Variants in MYO3A observed in about 807,000 individuals in gnomAD.
The protein encoded by MYO3A is myosin IIIA, also known as myosin-IIIa.
Under a neutral mutation model 192.7 loss-of-function variants are expected in MYO3A, and 180 were observed. The observed-to-expected ratio is 0.93, with a 90% CI of 0.83 to 1.06. MYO3A has a LOEUF of 1.06. Among genes scored for constraint, MYO3A ranks in the 50% least tolerant of loss-of-function variants. The probability of loss-of-function intolerance (pLI) is 0.00; values close to 1 mark genes in which losing one functional copy is unlikely to be tolerated. For missense variants in MYO3A, 1,896 were observed against 1,905.0 expected (o/e 1.00, Z 0.09); for synonymous variants, 628 against 645.3 (o/e 0.97, Z 0.41).
At chr10:26,095,232 A>T (rs1397467675) in intron 15 of MYO3A, among the ~76,000 whole-genome samples, 2 of 152,148 alleles carry the variant, frequency 1.3e-5, no homozygotes, top group Non-Finnish European at 2.9e-5. Context: ...ATGGAAAGAG[A>T]AGTAACAATA....
At position 25,937,981 on chromosome 10, in the gene MYO3A, C is replaced by G. The variant is rs148877390; in HGVS notation, c.-18+2151C>G. ...ATTTCTGTGACCAGTTAAGCTAGAC[C>G]CATTCCTCTGTTTTAATGTTCTGTA... On this transcript the variant is annotated intron_variant, in intron 2 of 34. Coordinates refer to ENST00000642920, the MANE Select transcript of MYO3A (RefSeq NM_017433.5). 7.6e-4 allele frequency among the ~76,000 whole-genome samples: 115 copies of G among 152,164 alleles called. 1 individual carries two copies. The highest frequency in any genetic ancestry group is 3.4e-3 in the Middle Eastern group (1 of 294).
chr10:26,078,147 G>GTTTTTTTTTTTTTTTTTTTTTTT (rs1835714240), intron 14 of MYO3A, among the ~76,000 whole-genome samples: 4 of 110,524 alleles, frequency 3.6e-5, no homozygotes, highest in Non-Finnish European at 6.2e-5. Context: ...TTTTTTTTTG[G>GTTTTTTTTTTTTTTTTTTTTTTT]TAATTTTAAA....
chr10:26,142,262 G>A (rs1040835253), intron 20 of MYO3A, among the ~76,000 whole-genome samples: 2 of 152,224 alleles, frequency 1.3e-5, no homozygotes, highest in African/African-American at 4.8e-5. Context: ...CCCAGGAATG[G>A]TTGCTTATCA....
In MYO3A at chr10:26,173,791, C is replaced by T; in HGVS notation, c.3527C>T (p.Thr1176Ile). Residue 1176 changes from threonine (T) to isoleucine (I), a missense_variant, in exon 30 of 35, where the codon ACC becomes ATC. By Grantham distance (89) the Thr-to-Ile change is moderately conservative (BLOSUM62 -1). Coordinates refer to ENST00000642920, the MANE Select transcript of MYO3A (RefSeq NM_017433.5). Reference protein sequence around the residue: ...TSTFKPEEETTNAVESNNRVY... With the variant: ...TSTFKPEEETINAVESNNRVY... ...ACTTTCAAACCTGAAGAGGAAACCA[C>T]CAATGCTGTGGAGAGTAACAACAGA... 6.2e-7 allele frequency: 1 copy of T among 1,614,106 alleles called. No homozygotes were observed. The highest frequency in any genetic ancestry group is 2.2e-5 in the East Asian group (1 of 44,874).
At chr10:25,991,725 T>C (rs1260680435) in intron 4 of MYO3A, among the ~76,000 whole-genome samples, 2 of 152,218 alleles carry the variant, frequency 1.3e-5, no homozygotes, top group South Asian at 2.1e-4. Context: ...TTCAGCTTTC[T>C]ACATATGACT....
intron 17 of MYO3A, among the ~76,000 whole-genome samples, chr10:26,101,045 G>A (rs1837418057): frequency 6.6e-6 from 1 of 152,148 alleles, no homozygotes; most frequent in East Asian, 1.9e-4. Context: ...CTCTTTGTAG[G>A]TCTCTAAAGA....
intron 17 of MYO3A, among the ~76,000 whole-genome samples, chr10:26,101,909 C>T (rs1588958135): frequency 1.3e-5 from 2 of 152,038 alleles, no homozygotes; most frequent in East Asian, 3.9e-4. Flanking sequence ...ATCTTTGTGG[C>T]ATTTTCTGTA....
chr10:26,073,899 A>G (rs1165712092), intron 14 of MYO3A, among the ~76,000 whole-genome samples: 1 of 152,016 alleles, frequency 6.6e-6, no homozygotes, highest in Non-Finnish European at 1.5e-5. Context: ...GTAGACTGCG[A>G]TGGGGATTAC....
At chr10:26,088,955 G>A (rs1836511606) in intron 15 of MYO3A, among the ~76,000 whole-genome samples, 1 of 152,126 alleles carries the variant, frequency 6.6e-6, no homozygotes, top group Non-Finnish European at 1.5e-5. Flanking sequence ...GTAGCTTAAT[G>A]ACAAAGTTTC....
At chr10:26,179,433 A>G (rs1382991313) in intron 31 of MYO3A, among the ~76,000 whole-genome samples, 1 of 152,112 alleles carries the variant, frequency 6.6e-6, no homozygotes, top group Non-Finnish European at 1.5e-5. Flanking sequence ...CATAGTTCAC[A>G]TATATTTCAG....
chr10:25,949,056 A>G (rs895009960), intron 2 of MYO3A, among the ~76,000 whole-genome samples: 2 of 152,088 alleles, frequency 1.3e-5, no homozygotes, highest in African/African-American at 4.8e-5. Flanking sequence ...TTTTTTCTGA[A>G]TCTTTTCCTG....
At chr10:25,966,289 T>C (rs7896360) in intron 4 of MYO3A, among the ~76,000 whole-genome samples, 3,869 of 152,288 alleles carry the variant, frequency 0.025, 186 homozygotes, top group African/African-American at 0.087. Flanking sequence ...CATCTAATAA[T>C]TTATTTATTC....
chr10:26,199,033 T>C (rs1222106748), intron 32 of MYO3A, among the ~76,000 whole-genome samples: 1 of 152,208 alleles, frequency 6.6e-6, no homozygotes. Context: ...TCCCTTTTCA[T>C]GACAAAGGGT....
intron 14 of MYO3A, among the ~76,000 whole-genome samples, chr10:26,085,305 G>A (rs1025870457): frequency 6.6e-6 from 1 of 151,054 alleles, no homozygotes; most frequent in African/African-American, 2.4e-5. Flanking sequence ...TTTGGCTTTA[G>A]CTTTTTCTTT....
chr10:26,111,130 G>C (rs1309922932), intron 17 of MYO3A, among the ~76,000 whole-genome samples: 2 of 152,088 alleles, frequency 1.3e-5, no homozygotes, highest in Non-Finnish European at 2.9e-5. Context: ...AGCCTCCCAA[G>C]TAGCTGGAAT....
intron 10 of MYO3A, among the ~76,000 whole-genome samples, chr10:26,049,461 G>A (rs1843837302): frequency 6.6e-6 from 1 of 152,066 alleles, no homozygotes; most frequent in South Asian, 2.1e-4. Context: ...TTTTAAAGAT[G>A]GGAGATACTA....
intron 14 of MYO3A, among the ~76,000 whole-genome samples, chr10:26,075,686 T>A (rs12780852): frequency 1.4e-5 from 2 of 144,294 alleles, no homozygotes; most frequent in Non-Finnish European, 1.5e-5. Context: ...TATGTCTCTC[T>A]CATATATATG....
At chr10:26,095,361 T>A (rs1484955251) in intron 15 of MYO3A, among the ~76,000 whole-genome samples, 1 of 151,760 alleles carries the variant, frequency 6.6e-6, no homozygotes, top group Non-Finnish European at 1.5e-5. Flanking sequence ...GAGTGAACAG[T>A]GAAGTGAAGA....
At chr10:26,005,987 A>G (rs1301129122) in intron 6 of MYO3A, among the ~76,000 whole-genome samples, 4 of 152,100 alleles carry the variant, frequency 2.6e-5, no homozygotes, top group Non-Finnish European at 4.4e-5. Context: ...TTAGAGCTTT[A>G]TGATTCAAGC....
Sources: gnomAD v4.1 joint callset for allele counts (sites outside exome capture counted in the v4.1 genomes callset) on GRCh38, gnomAD v4.1.1 for gene constraint, MANE v1.5 for transcripts, NCBI Gene and HGNC (gene_info 2026-07-23, HGNC 2026-07-21) for gene names.